ENTREP2: variants seen among roughly 807,000 people sequenced by gnomAD.
ENTREP2 encodes protein ENTREP2.
chr15:29,324,122 A>G, the ENTREP2 span, among the ~76,000 whole-genome samples: 1 of 151,838 alleles, frequency 6.6e-6, no homozygotes, highest in African/African-American at 2.4e-5. Context: ...TTTTTTTAAT[A>G]CAGGGTCTCA....
chr15:29,350,950 A>T, the ENTREP2 span, among the ~76,000 whole-genome samples: 2 of 152,280 alleles, frequency 1.3e-5, no homozygotes, highest in South Asian at 4.1e-4. Flanking sequence ...AAATAAATAA[A>T]TAAATATATA....
At chr15:29,207,563 G>A in the ENTREP2 span, among the ~76,000 whole-genome samples, 152 of 152,194 alleles carry the variant, frequency 1.0e-3, 1 homozygote, top group African/African-American at 3.5e-3. Context: ...GCTACTTTTA[G>A]AATCCTGCTG....
At chr15:29,548,744 TAAGAA>T in the ENTREP2 span, among the ~76,000 whole-genome samples, 10 of 152,128 alleles carry the variant, frequency 6.6e-5, no homozygotes, top group Admixed American at 6.6e-4. Context: ...ATGAAGCACA[TAAGAA>T]AAGAGTTATA....
the ENTREP2 span, among the ~76,000 whole-genome samples, chr15:29,218,149 T>C: frequency 1.3e-5 from 2 of 152,082 alleles, no homozygotes; most frequent in African/African-American, 4.8e-5. Flanking sequence ...CCGGTAGAGG[T>C]GGCAGCGGGG....
chr15:29,467,741 A>G, the ENTREP2 span, among the ~76,000 whole-genome samples: 1,559 of 152,268 alleles, frequency 0.01, 27 homozygotes, highest in African/African-American at 0.035. Flanking sequence ...AAGACCATCT[A>G]TGGCCAGGCA....
the ENTREP2 span, among the ~76,000 whole-genome samples, chr15:29,313,038 G>T: frequency 6.6e-6 from 1 of 152,150 alleles, no homozygotes; most frequent in Admixed American, 6.5e-5. Flanking sequence ...AACTATGAGT[G>T]GTCTAACAGA....
At chr15:29,558,873 T>C in the ENTREP2 span, among the ~76,000 whole-genome samples, 1 of 151,690 alleles carries the variant, frequency 6.6e-6, no homozygotes, top group Admixed American at 6.6e-5. Context: ...TTCTTAATGA[T>C]ATTTTCTTTC....
the ENTREP2 span, among the ~76,000 whole-genome samples, chr15:29,445,872 C>G: frequency 6.6e-6 from 1 of 152,080 alleles, no homozygotes; most frequent in African/African-American, 2.4e-5. Flanking sequence ...GGATCTGATG[C>G]GAATTCCAGG....
chr15:29,168,338 A>T, the ENTREP2 span, among the ~76,000 whole-genome samples: 2 of 152,208 alleles, frequency 1.3e-5, no homozygotes, highest in Non-Finnish European at 2.9e-5. Flanking sequence ...AAAAGAATTT[A>T]AAAAAACCTA....
the ENTREP2 span, among the ~76,000 whole-genome samples, chr15:29,426,484 CCTGT>C: frequency 0.11 from 17,467 of 152,064 alleles, 1,144 homozygotes; most frequent in East Asian, 0.31. Flanking sequence ...CTCCTATATG[CCTGT>C]CTGACGTCTT....
chr15:29,410,941 G>A, the ENTREP2 span, among the ~76,000 whole-genome samples: 114,557 of 151,958 alleles, frequency 0.75, 44,267 homozygotes, highest in African/African-American at 0.92. Flanking sequence ...GTGCGCCACC[G>A]CGCCCAGCTA....
chr15:29,563,909 ATTTTC>A, the ENTREP2 span, among the ~76,000 whole-genome samples: 2 of 151,524 alleles, frequency 1.3e-5, no homozygotes, highest in Non-Finnish European at 2.9e-5. Flanking sequence ...AGGAAACTTT[ATTTTC>A]TTTTAGCTTA....
the ENTREP2 span, among the ~76,000 whole-genome samples, chr15:29,290,860 G>A: frequency 2.0e-5 from 3 of 152,224 alleles, no homozygotes; most frequent in Non-Finnish European, 2.9e-5. Context: ...CAAAGGGAGT[G>A]AAGCTGAGGA....
chr15:29,464,380 C>T, the ENTREP2 span, among the ~76,000 whole-genome samples: 7,174 of 152,246 alleles, frequency 0.047, 188 homozygotes, highest in Middle Eastern at 0.088. Flanking sequence ...CTTCTCAACA[C>T]AATTTCACTT....
chr15:29,145,239 A>G, the ENTREP2 span, among the ~76,000 whole-genome samples: 2 of 152,242 alleles, frequency 1.3e-5, no homozygotes, highest in African/African-American at 2.4e-5. Context: ...GTAATTCAAC[A>G]TATTAATAGA....
At chr15:29,644,328 G>A in the ENTREP2 span, among the ~76,000 whole-genome samples, 7,071 of 152,228 alleles carry the variant, frequency 0.046, 187 homozygotes, top group South Asian at 0.066. Context: ...AAATAAAAAC[G>A]TTCTAAAATG....
the ENTREP2 span, among the ~76,000 whole-genome samples, chr15:29,607,062 G>T: frequency 1.3e-5 from 2 of 151,990 alleles, no homozygotes; most frequent in African/African-American, 4.8e-5. Context: ...CGAATTCCTG[G>T]CCTCAAGTGA....
chr15:29,422,512 A>T, the ENTREP2 span, among the ~76,000 whole-genome samples: 12 of 152,170 alleles, frequency 7.9e-5, no homozygotes, highest in Non-Finnish European at 1.5e-4. Context: ...TTGTAGGGGG[A>T]AAGTCAGCAA....
chr15:29,174,404 C>T, the ENTREP2 span, among the ~76,000 whole-genome samples: 1 of 152,094 alleles, frequency 6.6e-6, no homozygotes, highest in Non-Finnish European at 1.5e-5. Context: ...AAACTAGAAA[C>T]ACGGCCAGGC....
Sources: allele counts gnomAD v4.1 joint callset (sites outside exome capture counted in the v4.1 genomes callset), GRCh38; gene constraint gnomAD v4.1.1; transcripts MANE v1.5; gene names NCBI Gene and HGNC (gene_info 2026-07-23, HGNC 2026-07-21).